The following GRB10 variants were observed in gnomAD, a reference collection of about 807,000 sequenced individuals.
GRB10 encodes the protein growth factor receptor bound protein 10.
GRB10 carries 20 observed loss-of-function variants against 80.9 expected under a neutral mutation model. The observed-to-expected ratio is 0.25, with a 90% CI of 0.17 to 0.36. The LOEUF (loss-of-function observed/expected upper bound fraction) is 0.36. Among genes scored for constraint, GRB10 ranks in the 10% least tolerant of loss-of-function variants. GRB10 has a pLI of 1.00. For synonymous variants in GRB10, 291 were observed against 291.5 expected, an observed-to-expected ratio of 1.00 and a Z score of 0.02; for missense variants, 548 against 747.7, an observed-to-expected ratio of 0.73 and a Z score of 3.12.
chr7:50,711,207 G>C (rs1293569061), intron 4 of GRB10, among the ~76,000 whole-genome samples: 1 of 149,832 alleles, frequency 6.7e-6, no homozygotes, highest in African/African-American at 2.4e-5. Context: ...GATGAGAACA[G>C]TGGATGAGAA....
chr7:50,770,202 C>T (rs969654298), intron 2 of GRB10, among the ~76,000 whole-genome samples: 1 of 152,230 alleles, frequency 6.6e-6, no homozygotes, highest in African/African-American at 2.4e-5. Flanking sequence ...CAGCATCTAG[C>T]ATTACCACTT....
At chr7:50,594,306 A>C (rs1299793831) in intron 18 of GRB10, among the ~76,000 whole-genome samples, 1 of 152,154 alleles carries the variant, frequency 6.6e-6, no homozygotes, top group Non-Finnish European at 1.5e-5. Context: ...AGCCACAGAA[A>C]AGACAGTGCG....
chr7:50,707,151 C>T (rs1446747723), intron 4 of GRB10, among the ~76,000 whole-genome samples: 5 of 152,186 alleles, frequency 3.3e-5, no homozygotes, highest in Non-Finnish European at 5.9e-5. Flanking sequence ...ATCAAGAAAA[C>T]TGAAAAACCT....
upstream of GRB10, among the ~76,000 whole-genome samples, chr7:50,787,896 G>A (rs1373538298): frequency 6.6e-6 from 1 of 152,236 alleles, no homozygotes; most frequent in Non-Finnish European, 1.5e-5. Flanking sequence ...AGGGTGAAAA[G>A]ATGGGCGGGG....
chr7:50,739,517 G>A (rs577821339), intron 3 of GRB10, among the ~76,000 whole-genome samples: 9 of 152,156 alleles, frequency 5.9e-5, no homozygotes, highest in African/African-American at 1.9e-4. Flanking sequence ...TGTCTATCCC[G>A]CATGGCATGT....
intron 7 of GRB10, among the ~76,000 whole-genome samples, chr7:50,656,796 C>T (rs2058697480): frequency 6.6e-6 from 1 of 152,224 alleles, no homozygotes; most frequent in South Asian, 2.1e-4. Flanking sequence ...TCCCGAAACT[C>T]ACTCTATCCC....
upstream of GRB10, among the ~76,000 whole-genome samples, chr7:50,785,489 A>G (rs1293099832): frequency 6.6e-6 from 1 of 152,246 alleles, no homozygotes; most frequent in Non-Finnish European, 1.5e-5. Flanking sequence ...TGTAGCCCAG[A>G]TGCAACCCTG....
chr7:50,590,798 G>A lies in GRB10; in HGVS notation c.*2154C>T, dbSNP rs1180420692. 3 of 152,294 alleles carry A rather than the reference G, an allele frequency of 2.0e-5. No individual in the cohort carries two copies. Among genetic ancestry groups the A allele is most frequent in the South Asian group, 2.1e-4 (1 of 4,832 alleles). 9.4% of individuals were successfully genotyped at this position (152,294 alleles called of 1,614,324 possible). A position where few individuals can be genotyped will look rare whatever the true frequency, so the allele number is the denominator to read the frequency against. On this transcript the variant is annotated 3_prime_UTR_variant, in exon 19 of 19. Transcript: ENST00000401949. ...TTTACATTCTCCAACAATTCACTTC[G>A]GCAGGGAAAATACAAAAGACTACGT...
chr7:50,648,872 G>A (rs1053005872), intron 7 of GRB10, among the ~76,000 whole-genome samples: 1 of 152,112 alleles, frequency 6.6e-6, no homozygotes, highest in African/African-American at 2.4e-5. Context: ...AAATATTCTG[G>A]GTGGGACTCC....
At chr7:50,716,612 G>C (rs1164217245) in intron 4 of GRB10, among the ~76,000 whole-genome samples, 1 of 152,190 alleles carries the variant, frequency 6.6e-6, no homozygotes, top group African/African-American at 2.4e-5. Flanking sequence ...TGAGTGATAA[G>C]GAGAGAAGTG....
chr7:50,752,682 G>A (rs1340644718), intron 3 of GRB10, among the ~76,000 whole-genome samples: 1 of 152,178 alleles, frequency 6.6e-6, no homozygotes, highest in African/African-American at 2.4e-5. Flanking sequence ...AGCCCAGCAA[G>A]AGCTGTACCA....
rs563953104 is a variant in GRB10 at position 50,722,087 on chromosome 7, C to T, written c.51+10185G>A. Among the ~76,000 whole-genome samples, 4 of 152,290 alleles carry T rather than the reference C, an allele frequency of 2.6e-5. No individual in the cohort carries two copies. The South Asian group carries it at 8.3e-4, about 32-fold the overall frequency. ...TCACTATGCTACCTCCTATGCCCTCCTCTCCTGTCTCTCCTGCACCCCAGA... is the reference window on the plus strand; with the variant it reads ...TCACTATGCTACCTCCTATGCCCTCTTCTCCTGTCTCTCCTGCACCCCAGA... On this transcript the variant is annotated intron_variant, in intron 4 of 18. Coordinates refer to ENST00000401949, the MANE Select transcript of GRB10 (RefSeq NM_001350814.2).
chr7:50,617,342 TA>T (rs1212989495), intron 10 of GRB10, among the ~76,000 whole-genome samples: 1 of 152,238 alleles, frequency 6.6e-6, no homozygotes, highest in African/African-American at 2.4e-5. Context: ...TAGTTTCTCT[TA>T]CATGTAATGT....
chr7:50,742,204 T>C (rs2071885268), intron 3 of GRB10, among the ~76,000 whole-genome samples: 1 of 152,112 alleles, frequency 6.6e-6, no homozygotes, highest in African/African-American at 2.4e-5. Context: ...CACCTGTTAA[T>C]AACAGGCACT....
At chr7:50,654,794 G>A (rs1052527663) in intron 7 of GRB10, among the ~76,000 whole-genome samples, 7 of 151,980 alleles carry the variant, frequency 4.6e-5, no homozygotes, top group East Asian at 1.9e-4. Context: ...CAGACATCTC[G>A]CCCCTTTCCT....
chr7:50,626,077 T>A (rs2052828899), intron 8 of GRB10, among the ~76,000 whole-genome samples: 1 of 152,256 alleles, frequency 6.6e-6, no homozygotes, highest in African/African-American at 2.4e-5. Context: ...TTGTAAGAAC[T>A]ATATTTATTA....
chr7:50,597,628 C>T lies in GRB10; in HGVS notation c.1545-2098G>A, dbSNP rs576912412. Among the ~76,000 whole-genome samples the T allele has an allele frequency of 7.2e-5, 11 of 152,336 alleles. No homozygotes were observed. The South Asian group carries it at 1.7e-3, about 23-fold the overall frequency. On this transcript the variant is annotated intron_variant, in intron 17 of 18. Transcript: ENST00000401949. ...GCAGCATGGCCCAGGCCTGTTTACC[C>T]GAGAGGGACGTGTACCCCTGAGAGG...
At chr7:50,598,192 G>C (rs1394283705) in intron 17 of GRB10, among the ~76,000 whole-genome samples, 1 of 152,208 alleles carries the variant, frequency 6.6e-6, no homozygotes, top group Non-Finnish European at 1.5e-5. Flanking sequence ...CAGGACCATT[G>C]AGAAGACCAT....
intron 2 of GRB10, among the ~76,000 whole-genome samples, chr7:50,777,859 A>G (rs1335022137): frequency 6.6e-6 from 1 of 152,160 alleles, no homozygotes; most frequent in Admixed American, 6.5e-5. Flanking sequence ...AGTGGGAGCT[A>G]AACAATGAGA....
Sources: gnomAD v4.1 joint callset for allele counts (sites outside exome capture counted in the v4.1 genomes callset) on GRCh38, gnomAD v4.1.1 for gene constraint, MANE v1.5 for transcripts, NCBI Gene and HGNC (gene_info 2026-07-23, HGNC 2026-07-21) for gene names.